The following BRD1 variants were observed in gnomAD, a reference collection of about 807,000 sequenced individuals.
BRD1 encodes bromodomain-containing protein 1.
A neutral mutation model predicts 107.7 loss-of-function variants in BRD1; 24 were observed. That is an observed-to-expected ratio of 0.22 (90% CI 0.16 to 0.31). The LOEUF is 0.31. BRD1 is among the 10% of genes least tolerant of loss of function. The pLI, the probability that BRD1 is intolerant of heterozygous loss-of-function variation, is 1.00. For missense variants in BRD1, 1,279 were observed against 1,638.6 expected (o/e 0.78, Z 3.79); for synonymous variants, 744 against 686.1 (o/e 1.08, Z -1.32).
chr22:49,785,389 C>T (rs1200570636), intron 8 of BRD1, among the ~76,000 whole-genome samples: 3 of 152,250 alleles, frequency 2.0e-5, no homozygotes, highest in South Asian at 2.1e-4. Context: ...CGTGAAACCC[C>T]GAGGAAGTGG....
intron 2 of BRD1, among the ~76,000 whole-genome samples, chr22:49,820,483 C>T (rs1316578863): frequency 6.6e-6 from 1 of 152,134 alleles, no homozygotes; most frequent in Non-Finnish European, 1.5e-5. Flanking sequence ...TGCCTGTATT[C>T]CCAGCTGAGG....
Position 49,824,528 on chromosome 22 carries a change from A to G in BRD1, c.-14-197T>C. 4 of 1,405,730 alleles carry G rather than the reference A, an allele frequency of 2.8e-6. No individual in the cohort carries two copies. The highest frequency in any genetic ancestry group is 3.7e-6 in the Non-Finnish European group (4 of 1,083,040). 87.1% of individuals were successfully genotyped at this position (1,405,730 alleles called of 1,614,324 possible). A position where few individuals can be genotyped will look rare whatever the true frequency, so the allele number is the denominator to read the frequency against. On this transcript the variant is annotated intron_variant, in intron 1 of 12. Transcript: ENST00000404760. The surrounding 1 kb of genome is among the most constrained non-coding windows in gnomAD (Gnocchi z 5.9). The stretch of plus-strand genomic sequence containing the variant: ...GAGTCCCCAGGACCAGGGAGGGAGC[A>G]GCAGTAACAGGCAGAGAGGCAGCCT...
chr22:49,781,627 C>T (rs978378730), intron 8 of BRD1, among the ~76,000 whole-genome samples: 3 of 152,254 alleles, frequency 2.0e-5, no homozygotes, highest in Non-Finnish European at 4.4e-5. Context: ...CTGCCGCTGG[C>T]ACCCAAGCTG....
chr22:49,823,772 C>T lies in BRD1; in HGVS notation c.546G>A (p.Ser182=), dbSNP rs781679722. Residue 182 remains serine (S), a synonymous_variant, in exon 2 of 13, where the codon TCG becomes TCA. Coordinates refer to ENST00000404760, the MANE Select transcript of BRD1 (RefSeq NM_001304808.3). ...CCATCAGGAACTCAAACATGCTCTGCGACACGGCGGGGACGCAGTCGCCCT... is the reference window on the plus strand; with the variant it reads ...CCATCAGGAACTCAAACATGCTCTGTGACACGGCGGGGACGCAGTCGCCCT... The part of the protein sequence containing the change: ...KRKGDCVPAV[S]QSMFEFLMDR... The T allele has an allele frequency of 8.7e-6, 14 of 1,614,044 alleles. No individual in the cohort carries two copies. Among genetic ancestry groups the T allele is most frequent in the Admixed American group, 1.7e-5 (1 of 60,016 alleles).
chr22:49,815,358 C>G (rs1307540010), intron 2 of BRD1, among the ~76,000 whole-genome samples: 1 of 152,122 alleles, frequency 6.6e-6, no homozygotes, highest in Non-Finnish European at 1.5e-5. Flanking sequence ...GCCTGGCCAA[C>G]GTGACGAAAC....
chr22:49,817,724 T>G (rs1024978342), intron 2 of BRD1: 2 of 205,380 alleles, frequency 9.7e-6, no homozygotes, highest in Non-Finnish European at 2.1e-5. Flanking sequence ...GGTCAATGTT[T>G]CTCTTTCTCT....
chr22:49,822,840 C>T, intron 2 of BRD1, 111 bp downstream of exon 2: 1 of 1,301,896 alleles, frequency 7.7e-7, no homozygotes, highest in Non-Finnish European at 1.1e-6. Flanking sequence ...GGAAGCTGCG[C>T]CAACTAGAAA....
At chr22:49,778,016 T>G (rs1161676487) in intron 8 of BRD1, among the ~76,000 whole-genome samples, 1 of 152,228 alleles carries the variant, frequency 6.6e-6, no homozygotes, top group Non-Finnish European at 1.5e-5. Context: ...GAAATCAACT[T>G]AACAAACTGC....
In BRD1 at chr22:49,814,153, G is replaced by C. The variant is rs76146336; in HGVS notation, c.1367+8798C>G. Among the ~76,000 whole-genome samples, 714 of 152,294 alleles carry C rather than the reference G, an allele frequency of 4.7e-3. 3 individuals are homozygous for C. Among genetic ancestry groups the C allele is most frequent in the Middle Eastern group, 0.027 (8 of 294 alleles). ...GTATAACTTCTAAAGTTGAGTGAAA[G>C]AACAGGGGGCTCTCTCCAAAGATTT... On this transcript the variant is annotated intron_variant, in intron 2 of 12. Coordinates refer to ENST00000404760, the MANE Select transcript of BRD1 (RefSeq NM_001304808.3).
intron 8 of BRD1, among the ~76,000 whole-genome samples, chr22:49,782,560 C>A (rs866774129): frequency 7.2e-6 from 1 of 138,294 alleles, no homozygotes; most frequent in African/African-American, 2.7e-5. Flanking sequence ...CAAGGCCCAT[C>A]GTGCTGGGAC....
Position 49,804,254 on chromosome 22 carries a change from G to A in BRD1, c.1474C>T (p.Leu492=). ...AGGCTGGACTGCAGCCGCCGCAGCA[G>A]GGGGGCCCCGTTCCTGGACAGCCGC... The part of the protein sequence containing the change: ...LKRLSRNGAP[L]LRRLQSSLQS... The change falls in exon 3 of 13, where the codon CTG becomes TTG. Residue 492 remains leucine (L), a synonymous_variant. Transcript: ENST00000404760. 2.5e-6 allele frequency: 4 copies of A among 1,608,200 alleles called. No individual in the cohort carries two copies. Among genetic ancestry groups the A allele is most frequent in the Non-Finnish European group, 3.4e-6 (4 of 1,177,346 alleles).
chr22:49,786,291 G>A (rs1456506842), intron 8 of BRD1, among the ~76,000 whole-genome samples: 1 of 152,222 alleles, frequency 6.6e-6, no homozygotes, highest in African/African-American at 2.4e-5. Flanking sequence ...AGCGCAGCCA[G>A]TACCGAAGAA....
Position 49,775,657 on chromosome 22 carries a change from T to A in BRD1, c.3320A>T (p.Glu1107Val). The A allele has an allele frequency of 6.2e-7, 1 of 1,613,740 alleles. No individual in the cohort carries two copies. Among genetic ancestry groups the A allele is most frequent in the African/African-American group, 1.3e-5 (1 of 74,990 alleles). ...CTCATCAGACTTGGTCTGCATGTGCTCCCCAATCTTCAGCACGTCCAGGGG... is the reference window on the plus strand; with the variant it reads ...CTCATCAGACTTGGTCTGCATGTGCACCCCAATCTTCAGCACGTCCAGGGG... ...APPLDVLKIG[E>V]HMQTKSDEKL... The change falls in exon 12 of 13, where the codon GAG becomes GTG. Residue 1107 changes from glutamate (E) to valine (V), a missense_variant. Around this residue, in one of 7 missense-constraint regions of BRD1, gnomAD observed 136 missense variants for 196.8 expected, o/e 0.69. Transcript: ENST00000404760.
At chr22:49,799,823 C>T (rs546461077) in intron 3 of BRD1, among the ~76,000 whole-genome samples, 2 of 152,354 alleles carry the variant, frequency 1.3e-5, no homozygotes, top group South Asian at 2.1e-4. Context: ...CACAGATGGT[C>T]GCAGGAGAGT....
chr22:49,818,434 C>G, intron 2 of BRD1: 1 of 1,038,778 alleles, frequency 9.6e-7, no homozygotes, highest in Non-Finnish European at 1.2e-6. Context: ...TCATTTCATG[C>G]AATAACCAAA....
At chr22:49,790,432 C>A (rs1482585431) in intron 7 of BRD1, among the ~76,000 whole-genome samples, 2 of 152,218 alleles carry the variant, frequency 1.3e-5, no homozygotes, top group African/African-American at 2.4e-5. Flanking sequence ...CGATACAACT[C>A]GGGCATAAGC....
At chr22:49,777,919 G>T in intron 8 of BRD1, 106 bp from the exon 9 acceptor site, 1 of 1,399,936 alleles carries the variant, frequency 7.1e-7, no homozygotes, top group South Asian at 1.5e-5. Context: ...ACGTTTCACA[G>T]ACAGGTAAGA....
At chr22:49,811,322 TG>T (rs2059844919) in intron 2 of BRD1, among the ~76,000 whole-genome samples, 1 of 152,072 alleles carries the variant, frequency 6.6e-6, no homozygotes, top group African/African-American at 2.4e-5. Context: ...TTTCTAAAAT[TG>T]GTGGTGGTGA....
chr22:49,824,227 G>C lies in BRD1; in HGVS notation c.91C>G (p.Leu31Val). ...ATCCTTTGAGCTTGAGCGTAGGTCA[G>C]CGTTTCTCGCGTAGGGGAGTGTTTA... The part of the protein sequence containing the change: ...SVKHSPTRET[L>V]TYAQAQRMVE... Residue 31 changes from leucine to valine, a missense_variant, in exon 2 of 13, where the codon CTG becomes GTG. By Grantham distance (32) the Leu-to-Val change is conservative (BLOSUM62 1). Transcript: ENST00000404760. The surrounding 1 kb of genome is among the most constrained non-coding windows in gnomAD (Gnocchi z 5.9). 1 of 1,614,022 alleles carries C rather than the reference G, an allele frequency of 6.2e-7. No homozygotes were observed. The highest frequency in any genetic ancestry group is 8.5e-7 in the Non-Finnish European group (1 of 1,180,036).
Sources: gnomAD v4.1 joint callset for allele counts (sites outside exome capture counted in the v4.1 genomes callset) on GRCh38, gnomAD v4.1.1 for gene constraint, gnomAD v4.1.1 regional missense constraint, Gnocchi (gnomAD v3.1) non-coding constraint, MANE v1.5 for transcripts, NCBI Gene and HGNC (gene_info 2026-07-23, HGNC 2026-07-21) for gene names.